The following MPZL2 variants were observed in gnomAD, a reference collection of about 807,000 sequenced individuals.
MPZL2 encodes myelin protein zero-like protein 2.
A neutral mutation model predicts 24.5 loss-of-function variants in MPZL2; 32 were observed. The ratio of observed to expected loss-of-function variants is 1.31; its 90% confidence interval spans 0.99 to 1.76. MPZL2 has a LOEUF of 1.76. Among genes scored for constraint, MPZL2 ranks in the 40% most tolerant of loss-of-function variants. MPZL2 has a pLI of 0.00. For missense variants in MPZL2, 304 were observed against 274.9 expected (o/e 1.11, Z -0.75); for synonymous variants, 92 against 97.9 (o/e 0.94, Z 0.36).
intron 2 of MPZL2, 100 bp from the exon 3 acceptor site, chr11:118,262,748 C>T (rs1315460220): frequency 1.5e-6 from 2 of 1,360,950 alleles, no homozygotes; most frequent in Non-Finnish European, 2.1e-6. Flanking sequence ...CCCAACTGTC[C>T]TGTCTGCAGC....
In MPZL2 at chr11:118,254,875, A is replaced by G. The variant is rs1005679028; in HGVS notation, c.*371T>C. 2.0e-5 allele frequency: 3 copies of G among 152,242 alleles called. No homozygotes were observed. In the South Asian group the frequency reaches 6.2e-4, roughly 32 times the overall value. The allele number at this position is 152,242 out of a possible 1,614,324, so 9.4% of individuals were successfully genotyped here. A position where few individuals can be genotyped will look rare whatever the true frequency, so the allele number is the denominator to read the frequency against. On this transcript the variant is annotated 3_prime_UTR_variant, in exon 6 of 6. Transcript: ENST00000278937. ...GAAGTGCTGCTAAAAGAAATACGTG[A>G]AAGGAAATGTAACAGACAAATTGGC...
chr11:118,261,127 T>A (rs1949697873), intron 3 of MPZL2, among the ~76,000 whole-genome samples: 1 of 152,244 alleles, frequency 6.6e-6, no homozygotes, highest in Non-Finnish European at 1.5e-5. Flanking sequence ...ATTTTTTGTG[T>A]GTTTAACCTC....
In MPZL2 at chr11:118,264,286, T is replaced by A; in HGVS notation, c.-133A>T. 2.5e-6 allele frequency: 2 copies of A among 804,150 alleles called. No homozygotes were observed. 49.8% of individuals were successfully genotyped at this position (804,150 alleles called of 1,614,324 possible). A position where few individuals can be genotyped will look rare whatever the true frequency, so the allele number is the denominator to read the frequency against. On this transcript the variant is annotated 5_prime_UTR_variant, in exon 1 of 6. Coordinates refer to ENST00000278937, the MANE Select transcript of MPZL2 (RefSeq NM_005797.4). The stretch of plus-strand genomic sequence containing the variant: ...AGGAGTTTGAGTTGAGTTCCTCACC[T>A]GTGCCTGTGACTCAGCCCGCTCTGC...
chr11:118,254,754 G>T lies in MPZL2; in HGVS notation c.*492C>A, dbSNP rs893559983. 1 of 152,220 alleles carries T rather than the reference G, an allele frequency of 6.6e-6. No individual in the cohort carries two copies. The highest frequency in any genetic ancestry group is 1.5e-5 in the Non-Finnish European group (1 of 68,026). 9.4% of individuals were successfully genotyped at this position (152,220 alleles called of 1,614,324 possible). A position where few individuals can be genotyped will look rare whatever the true frequency, so the allele number is the denominator to read the frequency against. On this transcript the variant is annotated 3_prime_UTR_variant, in exon 6 of 6. Transcript: ENST00000278937. ...ATGTCATTTAACAGTTTGAATTTAG[G>T]ATTTACTGTTAATCAGAAACACCGA...
In MPZL2 at chr11:118,262,450, C is replaced by A. The variant is rs145094932; in HGVS notation, c.424G>T (p.Val142Phe). 3 of 1,613,898 alleles carry A rather than the reference C, an allele frequency of 1.9e-6. No homozygotes were observed. Among genetic ancestry groups the A allele is most frequent in the Non-Finnish European group, 2.5e-6 (3 of 1,180,008 alleles). Reference sequence around the variant, plus strand: ...CTGCATAACCTACCAGTGTGCACGACGCTGAGCCGGATCTCCCCTATCACC... The same window carrying A: ...CTGCATAACCTACCAGTGTGCACGAAGCTGAGCCGGATCTCCCCTATCACC... ...DGVIGEIRLS[V>F]VHTVRFSEIH... Residue 142 changes from valine (V) to phenylalanine (F), a missense_variant, in exon 3 of 6, where the codon GTC becomes TTC. Transcript: ENST00000278937.
At chr11:118,260,533 G>C (rs1427295809) in intron 3 of MPZL2, among the ~76,000 whole-genome samples, 1 of 152,198 alleles carries the variant, frequency 6.6e-6, no homozygotes, top group Non-Finnish European at 1.5e-5. Flanking sequence ...AGGTGATTCT[G>C]ATGCAGCTTT....
rs1478286226 is a variant in MPZL2, at chr11:118,260,264, G to A, written c.437-63C>T. On this transcript the variant is annotated intron_variant, in intron 3 of 5. Transcript: ENST00000278937. ...GAAGAGGACTACAATGAAATCTAAT[G>A]ACATAATAGGGATGCATTTAATCAA... is the stretch of plus-strand genomic sequence containing the variant. The A allele has an allele frequency of 1.3e-5, 19 of 1,516,530 alleles. No homozygotes were observed. The South Asian group carries it at 1.8e-4, about 14-fold the overall frequency. The allele number at this position is 1,516,530 out of a possible 1,614,324, so 93.9% of individuals were successfully genotyped here.
At chr11:118,257,836 C>T (rs532559148) in intron 4 of MPZL2, among the ~76,000 whole-genome samples, 5 of 140,822 alleles carry the variant, frequency 3.6e-5, no homozygotes, top group African/African-American at 1.4e-4. Flanking sequence ...CATGGTGAAA[C>T]CCCATCTCTA....
At chr11:118,263,256 C>G in intron 1 of MPZL2, 159 bp from the exon 2 acceptor site, 1 of 710,128 alleles carries the variant, frequency 1.4e-6, no homozygotes, top group Non-Finnish European at 2.3e-6. Context: ...TCTACATACT[C>G]CTACCTGTAT....
At chr11:118,260,587 T>C (rs561511086) in intron 3 of MPZL2, among the ~76,000 whole-genome samples, 4 of 152,214 alleles carry the variant, frequency 2.6e-5, no homozygotes, top group Non-Finnish European at 5.9e-5. Context: ...GTAAGGTTTT[T>C]GCTAACCTCA....
intron 1 of MPZL2, among the ~76,000 whole-genome samples, chr11:118,263,774 C>T (rs957939722): frequency 1.3e-5 from 2 of 152,140 alleles, no homozygotes; most frequent in African/African-American, 4.8e-5. Flanking sequence ...AAGACCCACA[C>T]ACAGAAATCC....
rs201782092 is a variant in MPZL2, at chr11:118,260,053, C to T, written c.584+1G>A. The T allele has an allele frequency of 1.8e-5, 29 of 1,613,688 alleles. No individual in the cohort carries two copies. Among genetic ancestry groups the T allele is most frequent in the South Asian group, 7.7e-5 (7 of 91,074 alleles). On this transcript the variant is annotated splice_donor_variant, in intron 4 of 5. Transcript: ENST00000278937. LOFTEE classifies it high-confidence loss of function. ...ACTTTCCCAGAACTGCCCAGCCTTA[C>T]GATTTTATCTCCACCACTTTATGAG...
Position 118,257,220 on chromosome 11 carries a change from C to T in MPZL2, c.*12+18G>A. On this transcript the variant is annotated intron_variant, in intron 5 of 5. Coordinates refer to ENST00000278937, the MANE Select transcript of MPZL2 (RefSeq NM_005797.4). ...TCAGAAAGCTGAAGAAAGAAATCAA[C>T]CTATTTGTGAACCTTACCATCTAAA... 1.3e-6 allele frequency: 2 copies of T among 1,564,670 alleles called. No homozygotes were observed. Among genetic ancestry groups the T allele is most frequent in the African/African-American group, 2.7e-5 (2 of 73,734 alleles).
chr11:118,254,890 G>A lies in MPZL2; in HGVS notation c.*356C>T, dbSNP rs1392210037. ...GAAATACGTGAAAGGAAATGTAACA[G>A]ACAAATTGGCTTTTATCCCTTTTGA... On this transcript the variant is annotated 3_prime_UTR_variant, in exon 6 of 6. Coordinates refer to ENST00000278937, the MANE Select transcript of MPZL2 (RefSeq NM_005797.4). The A allele has an allele frequency of 6.6e-6, 1 of 152,196 alleles. No individual in the cohort carries two copies. The highest frequency in any genetic ancestry group is 1.5e-5 in the Non-Finnish European group (1 of 68,034). 9.4% of individuals were successfully genotyped at this position (152,196 alleles called of 1,614,324 possible). A position where few individuals can be genotyped will look rare whatever the true frequency, so the allele number is the denominator to read the frequency against.
At chr11:118,262,714 G>A (rs897191296) in intron 2 of MPZL2, 66 bp from the exon 3 acceptor site, 239 of 1,516,712 alleles carry the variant, frequency 1.6e-4, no homozygotes, top group Non-Finnish European at 2.0e-4. Flanking sequence ...AAGATGGTGG[G>A]AGCGGAAGTG....
chr11:118,257,193 T>C, intron 5 of MPZL2, 45 bp downstream of exon 5: 1 of 1,416,868 alleles, frequency 7.1e-7, no homozygotes, highest in Non-Finnish European at 9.9e-7. Context: ...GGGCTGGACA[T>C]GTCAGAAAGC....
chr11:118,256,269 G>A (rs903166857), intron 5 of MPZL2, among the ~76,000 whole-genome samples: 2 of 152,094 alleles, frequency 1.3e-5, no homozygotes, highest in African/African-American at 4.8e-5. Flanking sequence ...TCTTATGAGC[G>A]TAAAATTTAA....
chr11:118,262,784 G>C, intron 2 of MPZL2, 136 bp from the exon 3 acceptor site: 1 of 1,343,480 alleles, frequency 7.4e-7, no homozygotes, highest in Non-Finnish European at 1.0e-6. Flanking sequence ...CCCCTTCAAC[G>C]GCCTCTCAGT....
chr11:118,264,187 C>G lies in MPZL2; in HGVS notation c.-34G>C. 6.2e-7 allele frequency: 1 copy of G among 1,608,412 alleles called. No homozygotes were observed. Among genetic ancestry groups the G allele is most frequent in the Non-Finnish European group, 8.5e-7 (1 of 1,175,134 alleles). On this transcript the variant is annotated 5_prime_UTR_variant, in exon 1 of 6. Coordinates refer to ENST00000278937, the MANE Select transcript of MPZL2 (RefSeq NM_005797.4). ...CCCAGCCTTGGCCCCAGAGACCGGA[C>G]GGGGCAGACCGAGGGCTCCAACACC... is the stretch of plus-strand genomic sequence containing the variant.
Sources: allele counts gnomAD v4.1 joint callset (sites outside exome capture counted in the v4.1 genomes callset), GRCh38; gene constraint gnomAD v4.1.1; transcripts MANE v1.5; gene names NCBI Gene and HGNC (gene_info 2026-07-23, HGNC 2026-07-21).